Variants in POU2F3 observed in about 807,000 individuals in gnomAD.
POU2F3 encodes the protein POU domain, class 2, transcription factor 3.
In POU2F3, 23 loss-of-function variants were observed where a neutral mutation model predicts 59.2. That is an observed-to-expected ratio of 0.39 (90% CI 0.28 to 0.55). The LOEUF (loss-of-function observed/expected upper bound fraction) is 0.55. Ranked by LOEUF, POU2F3 falls within the 20% of genes least tolerant of loss-of-function variation. The pLI is 0.66. For synonymous variants in POU2F3, 190 were observed against 214.6 expected (o/e 0.89, Z 1.00); for missense variants, 473 against 544.5 (o/e 0.87, Z 1.31).
intron 2 of POU2F3, among the ~76,000 whole-genome samples, chr11:120,254,591 C>T (rs986282128): frequency 1.3e-5 from 2 of 152,188 alleles, no homozygotes; most frequent in Admixed American, 6.5e-5. Context: ...AGGAGCCCTT[C>T]CTCTCATCCC....
chr11:120,266,775 T>C (rs1003661194), intron 2 of POU2F3, among the ~76,000 whole-genome samples: 3 of 152,206 alleles, frequency 2.0e-5, no homozygotes, highest in Admixed American at 6.5e-5. Flanking sequence ...TTCTCCACAG[T>C]AATTATCTGT....
chr11:120,314,415 C>T (rs989293591), intron 10 of POU2F3, among the ~76,000 whole-genome samples: 1 of 152,214 alleles, frequency 6.6e-6, no homozygotes, highest in Non-Finnish European at 1.5e-5. Context: ...TAGAAATATA[C>T]AGCAGTTGAC....
intron 1 of POU2F3, among the ~76,000 whole-genome samples, 173 bp from the exon 2 acceptor site, chr11:120,246,276 C>T (rs1229801161): frequency 3.9e-5 from 6 of 152,050 alleles, no homozygotes; most frequent in Admixed American, 1.3e-4. Flanking sequence ...GGAGGGGATC[C>T]GTGCCCTCAA....
At position 120,240,298 on chromosome 11, in the gene POU2F3, G is replaced by A. The variant is rs980058662; in HGVS notation, c.-46G>A. ...CGCAGGGGCCCCGGCTGGGGCAGAG[G>A]CGAGGGGCCTGGGGGGGCGCTGGCT... On this transcript the variant is annotated 5_prime_UTR_variant, in exon 1 of 13. Transcript: ENST00000543440. The A allele has an allele frequency of 3.4e-5, 45 of 1,322,810 alleles. No homozygotes were observed. The highest frequency in any genetic ancestry group is 4.2e-5 in the Non-Finnish European group (43 of 1,027,078). The allele number at this position is 1,322,810 out of a possible 1,614,324, so 81.9% of individuals were successfully genotyped here.
At chr11:120,315,532 T>G in intron 11 of POU2F3, 105 bp downstream of exon 11, 2 of 1,050,416 alleles carry the variant, frequency 1.9e-6, no homozygotes, top group Non-Finnish European at 2.8e-6. Context: ...TAAATGCATT[T>G]CAAAGGATAT....
intron 3 of POU2F3, among the ~76,000 whole-genome samples, chr11:120,293,945 C>T (rs1591427485): frequency 1.3e-5 from 2 of 152,094 alleles, no homozygotes; most frequent in Admixed American, 6.5e-5. Flanking sequence ...AGAGTTCTGC[C>T]GGGGTATTGC....
At chr11:120,241,522 G>C (rs1172874967) in intron 1 of POU2F3, among the ~76,000 whole-genome samples, 1 of 152,228 alleles carries the variant, frequency 6.6e-6, no homozygotes, top group African/African-American at 2.4e-5. Flanking sequence ...TGGCTCTCCA[G>C]GACGTGCCAG....
chr11:120,294,865 G>T (rs979257956), intron 3 of POU2F3, among the ~76,000 whole-genome samples: 1 of 151,786 alleles, frequency 6.6e-6, no homozygotes, highest in East Asian at 1.9e-4. Flanking sequence ...TTCTTTTGGG[G>T]TTACTATCAG....
intron 2 of POU2F3, 145 bp from the exon 3 acceptor site, chr11:120,269,065 G>T (rs1939954188): frequency 3.4e-6 from 2 of 586,218 alleles, no homozygotes; most frequent in Admixed American, 6.2e-5. Flanking sequence ...GAAACAGGTC[G>T]AGGAGGAGGA....
intron 2 of POU2F3, among the ~76,000 whole-genome samples, chr11:120,251,106 T>C (rs1190180727): frequency 6.6e-6 from 1 of 152,218 alleles, no homozygotes; most frequent in Non-Finnish European, 1.5e-5. Context: ...TAACTGGGAC[T>C]ACAGGTATGC....
intron 2 of POU2F3, among the ~76,000 whole-genome samples, chr11:120,260,488 A>G (rs1939547986): frequency 6.6e-6 from 1 of 152,224 alleles, no homozygotes; most frequent in South Asian, 2.1e-4. Context: ...TTTCCTCTGC[A>G]GCACTTCATT....
At chr11:120,309,277 G>A (rs1309783988) in intron 9 of POU2F3, 148 bp from the exon 10 acceptor site, 31 of 758,918 alleles carry the variant, frequency 4.1e-5, no homozygotes, top group East Asian at 2.9e-4. Context: ...GTAAGGACAC[G>A]TAGTAAGTGA....
At chr11:120,297,718 ACCT>A (rs1212312212) in intron 3 of POU2F3, among the ~76,000 whole-genome samples, 1 of 152,106 alleles carries the variant, frequency 6.6e-6, no homozygotes, top group African/African-American at 2.4e-5. Context: ...ATAAATTTTA[ACCT>A]TCTTCCTCCT....
At chr11:120,240,828 G>A (rs1269356661) in intron 1 of POU2F3, among the ~76,000 whole-genome samples, 1 of 152,162 alleles carries the variant, frequency 6.6e-6, no homozygotes, top group Non-Finnish European at 1.5e-5. Context: ...TTAGGTGGTT[G>A]GGGGGCTTAG....
At chr11:120,270,610 A>G (rs1389746196) in intron 3 of POU2F3, among the ~76,000 whole-genome samples, 2 of 152,182 alleles carry the variant, frequency 1.3e-5, no homozygotes, top group Non-Finnish European at 2.9e-5. Flanking sequence ...CTGAGTCCAG[A>G]TCTAGATGGA....
rs760926200 is a variant in POU2F3 at position 120,307,428 on chromosome 11, G to A, written c.770-51G>A. Reference sequence around the variant, plus strand: ...TGGACCTCAGATCCATGAAGGCACCGGCCACTCATCCCCTTCTCTGAGCTT... The same window carrying A: ...TGGACCTCAGATCCATGAAGGCACCAGCCACTCATCCCCTTCTCTGAGCTT... On this transcript the variant is annotated intron_variant, in intron 8 of 12. Coordinates refer to ENST00000543440, the MANE Select transcript of POU2F3 (RefSeq NM_014352.4). The A allele has an allele frequency of 8.8e-6, 14 of 1,599,732 alleles. No homozygotes were observed. In the South Asian group the frequency reaches 8.9e-5, roughly 10 times the overall value.
intron 3 of POU2F3, among the ~76,000 whole-genome samples, chr11:120,286,675 G>A (rs934916065): frequency 6.6e-6 from 1 of 152,140 alleles, no homozygotes; most frequent in African/African-American, 2.4e-5. Flanking sequence ...CGCTCTTTGA[G>A]TCAGTTAATG....
chr11:120,257,899 T>C (rs1043806903), intron 2 of POU2F3, among the ~76,000 whole-genome samples: 2 of 152,192 alleles, frequency 1.3e-5, no homozygotes, highest in African/African-American at 4.8e-5. Context: ...AGCCAGAACT[T>C]GGAGCTCTGA....
intron 9 of POU2F3, among the ~76,000 whole-genome samples, 172 bp from the exon 10 acceptor site, chr11:120,309,253 G>T (rs1409447299): frequency 1.3e-5 from 2 of 152,176 alleles, no homozygotes; most frequent in African/African-American, 4.8e-5. Flanking sequence ...GCTCAGAAAG[G>T]TTAAGAAAGT....
Sources: gnomAD v4.1 joint callset for allele counts (sites outside exome capture counted in the v4.1 genomes callset) on GRCh38, gnomAD v4.1.1 for gene constraint, MANE v1.5 for transcripts, NCBI Gene and HGNC (gene_info 2026-07-23, HGNC 2026-07-21) for gene names.